The following STAG2 variants were observed in gnomAD, a reference collection of about 807,000 sequenced individuals.
The protein encoded by STAG2 is cohesin subunit SA-2.
In STAG2, 14 loss-of-function variants were observed where a neutral mutation model predicts 108.1. The ratio of observed to expected loss-of-function variants is 0.13; its 90% CI spans 0.09 to 0.20. STAG2 has a LOEUF of 0.20. STAG2 is among the 10% of genes least tolerant of loss of function. The pLI is 1.00. For synonymous variants in STAG2, 307 were observed against 302.7 expected (o/e 1.01, Z -0.15); for missense variants, 440 against 940.9 (o/e 0.47, Z 6.96).
intron 30 of STAG2, among the ~76,000 whole-genome samples, chrX:124,087,341 T>G (rs1366255638): frequency 8.9e-6 from 1 of 111,977 alleles, no homozygotes; most frequent in Non-Finnish European, 1.9e-5. Context: ...GACTTTTTTC[T>G]TTTTCTTAGG....
intron 4 of STAG2, 67 bp downstream of exon 4, chrX:124,025,985 G>C: frequency 1.2e-6 from 1 of 814,725 alleles, no homozygotes; most frequent in Non-Finnish European, 1.8e-6. Flanking sequence ...TTTAAGTTAT[G>C]TCTCAGATAG....
At chrX:124,057,539 T>C (rs938145946) in intron 14 of STAG2, among the ~76,000 whole-genome samples, 2 of 112,427 alleles carry the variant, frequency 1.8e-5, no homozygotes, top group Non-Finnish European at 1.9e-5. Flanking sequence ...TTAGCATAAA[T>C]GGTGTAGCTT....
chrX:124,071,156 C>T lies in STAG2; in HGVS notation c.2366C>T (p.Thr789Ile), dbSNP rs2148372749. ...VNTTVKEQAF[T>I]ILCDILMIFS... ...TTTTTTTTTTTTAAATAGGCCTTCACTATTCTGTGTGATATTTTGATGATC... is the reference window on the plus strand; with the variant it reads ...TTTTTTTTTTTTAAATAGGCCTTCATTATTCTGTGTGATATTTTGATGATC... The change falls in exon 25 of 35, where the codon ACT (threonine) becomes ATT (isoleucine). Residue 789 changes from threonine to isoleucine, a missense_variant. Thr to Ile is a moderately conservative substitution (Grantham distance 89). Around this residue, in one of 3 missense-constraint regions of STAG2, gnomAD observed 337 missense variants for 649.3 expected, o/e 0.52. Coordinates refer to ENST00000371145, the MANE Select transcript of STAG2 (RefSeq NM_001042750.2). 8.7e-7 allele frequency: 1 copy of T among 1,148,317 alleles called. No homozygotes were observed. The highest frequency in any genetic ancestry group is 1.2e-6 in the Non-Finnish European group (1 of 867,821). 94.6% of individuals were successfully genotyped at this position (1,148,317 alleles called of 1,213,427 possible). A position where few individuals can be genotyped will look rare whatever the true frequency, so the allele number is the denominator to read the frequency against.
intron 4 of STAG2, among the ~76,000 whole-genome samples, chrX:124,026,316 A>G (rs1200003423): frequency 9.0e-6 from 1 of 110,838 alleles, no homozygotes; most frequent in Non-Finnish European, 1.9e-5. Context: ...AATGTAACAT[A>G]CAACCAGTTT....
At chrX:124,013,975 C>G (rs761252359) in intron 1 of STAG2, among the ~76,000 whole-genome samples, 1 of 111,347 alleles carries the variant, frequency 9.0e-6, no homozygotes, top group East Asian at 2.8e-4. Context: ...CTACAGACAT[C>G]AAAAATGGTC....
intron 1 of STAG2, among the ~76,000 whole-genome samples, chrX:123,967,593 C>T (rs1016093669): frequency 1.8e-5 from 2 of 111,064 alleles, no homozygotes; most frequent in Non-Finnish European, 3.8e-5. Context: ...TACAGTCATG[C>T]ATTGCTTAAC....
At chrX:124,023,049 C>T (rs1337904770) in intron 3 of STAG2, among the ~76,000 whole-genome samples, 1 of 112,456 alleles carries the variant, frequency 8.9e-6, no homozygotes, top group Admixed American at 9.4e-5. Flanking sequence ...TGTCAGATTT[C>T]TGTTACAAAA....
At position 124,047,670 on chromosome X, in the gene STAG2, A is replaced by G. The variant is rs764400689; in HGVS notation, c.819+165A>G. Among the ~76,000 whole-genome samples the G allele has an allele frequency of 7.1e-5, 8 of 112,031 alleles. No individual in the cohort carries two copies. The East Asian group carries it at 2.2e-3, about 31-fold the overall frequency. ...AAAATTCTGATGAATATCCGTGCCA[A>G]CAATACTGTTTTCTTATTTTCAACC... On this transcript the variant is annotated intron_variant, in intron 9 of 34. Transcript: ENST00000371145.
chrX:123,993,145 G>T (rs1186935303), intron 1 of STAG2, among the ~76,000 whole-genome samples: 1 of 111,071 alleles, frequency 9.0e-6, no homozygotes, highest in Non-Finnish European at 1.9e-5. Flanking sequence ...AAAACTGGGT[G>T]GCTTAGTGTT....
At position 124,062,431 on chromosome X, in the gene STAG2, GC is replaced by G. The variant is rs2058410051; in HGVS notation, c.1639-470del. Reference sequence around the variant, plus strand: ...AAAATTTTATCAAAGACAATGTGATGCTTTCTGTGTTTTCTATTTCTGTTTT... The same window carrying G: ...AAAATTTTATCAAAGACAATGTGATGTTTCTGTGTTTTCTATTTCTGTTTT... On this transcript the variant is annotated intron_variant, in intron 17 of 34. Transcript: ENST00000371145. 3.6e-5 allele frequency among the ~76,000 whole-genome samples: 4 copies of G among 111,943 alleles called. No individual in the cohort carries two copies. In the South Asian group the frequency reaches 1.5e-3, roughly 41 times the overall value.
rs759364343 is a variant in STAG2, at chrX:124,061,768, T to TA, written c.1535-2dup. On this transcript the variant is annotated splice_polypyrimidine_tract_variant and splice_region_variant and intron_variant, in intron 16 of 34. Coordinates refer to ENST00000371145, the MANE Select transcript of STAG2 (RefSeq NM_001042750.2). Reference sequence around the variant, plus strand: ...CTTTTTTTTTTTTTTTTTTTTTTTTTAGCACTAACAGATAGGCAAGAGAGT... The same window carrying TA: ...CTTTTTTTTTTTTTTTTTTTTTTTTTAAGCACTAACAGATAGGCAAGAGAGT... The TA allele has an allele frequency of 9.1e-4, 813 of 892,908 alleles. 1 individual carries two copies. Among genetic ancestry groups the TA allele is most frequent in the Non-Finnish European group, 1.0e-3 (687 of 659,251 alleles). 73.6% of individuals were successfully genotyped at this position (892,908 alleles called of 1,213,427 possible). A position where few individuals can be genotyped will look rare whatever the true frequency, so the allele number is the denominator to read the frequency against.
At chrX:124,052,557 C>T (rs1042048068) in intron 13 of STAG2, among the ~76,000 whole-genome samples, 1 of 111,784 alleles carries the variant, frequency 8.9e-6, no homozygotes, top group African/African-American at 3.3e-5. Flanking sequence ...TTTTATTTAT[C>T]CATTTTTGCA....
intron 5 of STAG2, among the ~76,000 whole-genome samples, chrX:124,032,867 G>A (rs1359786122): frequency 8.9e-6 from 1 of 112,125 alleles, no homozygotes; most frequent in Non-Finnish European, 1.9e-5. Context: ...ATCCGTTCAG[G>A]CTTTTTGTTA....
chrX:124,060,833 T>C (rs2058355029), intron 15 of STAG2, among the ~76,000 whole-genome samples: 1 of 108,079 alleles, frequency 9.3e-6, no homozygotes, highest in African/African-American at 3.4e-5. Flanking sequence ...CTGAGGCAGG[T>C]GAATCATTTG....
At chrX:124,034,949 T>C (rs1334462525) in intron 5 of STAG2, among the ~76,000 whole-genome samples, 1 of 108,281 alleles carries the variant, frequency 9.2e-6, no homozygotes, top group Non-Finnish European at 1.9e-5. Flanking sequence ...CAGGCTGGAG[T>C]GCAGTGGCAT....
At chrX:124,078,953 A>T in intron 27 of STAG2, among the ~76,000 whole-genome samples, 1 of 107,991 alleles carries the variant, frequency 9.3e-6, no homozygotes. Flanking sequence ...TGGGCGACAG[A>T]GTGAGACTCT....
At chrX:124,069,681 A>G (rs1047211041) in intron 24 of STAG2, among the ~76,000 whole-genome samples, 1 of 111,456 alleles carries the variant, frequency 9.0e-6, no homozygotes, top group Non-Finnish European at 1.9e-5. Flanking sequence ...CACACATGCC[A>G]AGATGCAGTT....
At chrX:123,995,267 G>A (rs1448930030) in intron 1 of STAG2, among the ~76,000 whole-genome samples, 1 of 111,825 alleles carries the variant, frequency 8.9e-6, no homozygotes, top group Non-Finnish European at 1.9e-5. Flanking sequence ...TCACGACTAG[G>A]GAGATATGGT....
chrX:124,016,491 A>G (rs896274831), intron 1 of STAG2, among the ~76,000 whole-genome samples: 3 of 111,956 alleles, frequency 2.7e-5, no homozygotes, highest in Non-Finnish European at 3.8e-5. Context: ...ACAGTCATAA[A>G]TAGTTTCAGT....
Sources: gnomAD v4.1 joint callset for allele counts (sites outside exome capture counted in the v4.1 genomes callset) on GRCh38, gnomAD v4.1.1 for gene constraint, gnomAD v4.1.1 regional missense constraint, MANE v1.5 for transcripts, NCBI Gene and HGNC (gene_info 2026-07-23, HGNC 2026-07-21) for gene names.